Variants in SATB2 observed in about 807,000 individuals in gnomAD.
SATB2 encodes the protein SATB homeobox 2.
A neutral mutation model predicts 73.4 loss-of-function variants in SATB2; 1 was observed. That is an observed-to-expected ratio of 0.01 (90% CI 0.00 to 0.06). The LOEUF (loss-of-function observed/expected upper bound fraction) is 0.06, where lower values mean the gene tolerates loss of function less well. SATB2 is among the 10% of genes least tolerant of loss of function. The pLI is 1.00. For missense variants in SATB2, 459 were observed against 945.8 expected, an observed-to-expected ratio of 0.49 and a Z score of 6.75; for synonymous variants, 397 against 367.0, an observed-to-expected ratio of 1.08 and a Z score of -0.93.
intron 3 of SATB2, among the ~76,000 whole-genome samples, chr2:199,411,703 T>C (rs1354698273): frequency 1.3e-5 from 2 of 152,202 alleles, no homozygotes; most frequent in African/African-American, 2.4e-5. Flanking sequence ...CTGGACTGTA[T>C]GGCAAGTCAT....
rs1692555894 is a variant in SATB2 at position 199,464,616 on chromosome 2, C to G, written c.-141+220G>C. On this transcript the variant is annotated intron_variant, in intron 1 of 11. Transcript: ENST00000260926. This position sits in a 1 kb window ranked among gnomAD's most constrained non-coding sequence, Gnocchi z 6.6. Reference sequence around the variant, plus strand: ...ACGGCGCGAACACCAGCGCTCCGGCCGGGTCGCAGGGGCCGGTGCCCAGCG... The same window carrying G: ...ACGGCGCGAACACCAGCGCTCCGGCGGGGTCGCAGGGGCCGGTGCCCAGCG... 6.6e-6 allele frequency among the ~76,000 whole-genome samples: 1 copy of G among 152,152 alleles called. No individual in the cohort carries two copies. The highest frequency in any genetic ancestry group is 2.4e-5 in the African/African-American group (1 of 41,442).
intron 9 of SATB2, among the ~76,000 whole-genome samples, chr2:199,321,354 TAG>T (rs1687881438): frequency 1.3e-5 from 2 of 151,254 alleles, no homozygotes; most frequent in Non-Finnish European, 2.9e-5. Context: ...TGTCTATGTA[TAG>T]ATATATATGT....
chr2:199,410,940 C>T (rs1009492112), intron 3 of SATB2, among the ~76,000 whole-genome samples: 4 of 152,254 alleles, frequency 2.6e-5, no homozygotes, highest in Middle Eastern at 3.4e-3. Flanking sequence ...CCTTCTGCCT[C>T]TTACTTGTAA....
intron 10 of SATB2, among the ~76,000 whole-genome samples, chr2:199,280,095 C>G (rs147056937): frequency 6.6e-6 from 1 of 152,152 alleles, no homozygotes; most frequent in Admixed American, 6.5e-5. Context: ...GGCAGAAGAA[C>G]GTGGATTGTG....
intron 10 of SATB2, among the ~76,000 whole-genome samples, chr2:199,306,366 T>G (rs1399640656): frequency 1.3e-5 from 2 of 152,186 alleles, no homozygotes; most frequent in East Asian, 3.9e-4. Context: ...GTTAAAGAAA[T>G]GTGACGTGCT....
chr2:199,322,224 T>C (rs991608857), intron 9 of SATB2, among the ~76,000 whole-genome samples: 5 of 152,220 alleles, frequency 3.3e-5, no homozygotes, highest in Non-Finnish European at 5.9e-5. Context: ...ACTTTGATAT[T>C]TACATCAAGT....
At chr2:199,438,263 T>A (rs997247192) in intron 2 of SATB2, among the ~76,000 whole-genome samples, 4 of 152,206 alleles carry the variant, frequency 2.6e-5, no homozygotes, top group African/African-American at 9.6e-5. Flanking sequence ...TGTATTAGTA[T>A]CAGAGAGCAC....
At chr2:199,279,180 T>A (rs1486413794) in intron 10 of SATB2, among the ~76,000 whole-genome samples, 1 of 152,208 alleles carries the variant, frequency 6.6e-6, no homozygotes, top group East Asian at 1.9e-4. Flanking sequence ...AAAGAGACAT[T>A]AACTGCAAAT....
At chr2:199,454,161 A>G (rs113468470) in intron 2 of SATB2, among the ~76,000 whole-genome samples, 1 of 152,132 alleles carries the variant, frequency 6.6e-6, no homozygotes, top group Non-Finnish European at 1.5e-5. Flanking sequence ...TCATAGTTCA[A>G]CATGATATAG....
At chr2:199,298,368 C>T (rs1383000709) in intron 10 of SATB2, among the ~76,000 whole-genome samples, 6 of 152,156 alleles carry the variant, frequency 3.9e-5, no homozygotes, top group East Asian at 1.9e-4. Context: ...CCAAACACCT[C>T]GCCATGCTTC....
intron 9 of SATB2, among the ~76,000 whole-genome samples, chr2:199,319,939 C>T (rs1301005909): frequency 2.0e-5 from 3 of 151,896 alleles, no homozygotes; most frequent in East Asian, 1.9e-4. Flanking sequence ...AGTACACAAC[C>T]GTCCCCTGAG....
intron 3 of SATB2, among the ~76,000 whole-genome samples, chr2:199,407,504 T>C (rs1690669443): frequency 6.6e-6 from 1 of 152,052 alleles, no homozygotes; most frequent in African/African-American, 2.4e-5. Flanking sequence ...GCCCAGGAGA[T>C]CTAAGATAAG....
At chr2:199,290,103 C>T (rs1215907930) in intron 10 of SATB2, among the ~76,000 whole-genome samples, 1 of 152,212 alleles carries the variant, frequency 6.6e-6, no homozygotes, top group Non-Finnish European at 1.5e-5. Flanking sequence ...GCAGGCTGTG[C>T]TCCAACAACT....
rs1692163263 is a variant in SATB2 at position 199,271,683 on chromosome 2, T to TAAAA, written c.*527_*528insTTTT. The TAAAA allele has an allele frequency of 2.0e-5, 3 of 153,392 alleles. No homozygotes were observed. The highest frequency in any genetic ancestry group is 7.2e-5 in the African/African-American group (3 of 41,426). 9.5% of individuals were successfully genotyped at this position (153,392 alleles called of 1,614,324 possible). A position where few individuals can be genotyped will look rare whatever the true frequency, so the allele number is the denominator to read the frequency against. On this transcript the variant is annotated 3_prime_UTR_variant, in exon 11 of 11. Coordinates refer to ENST00000417098, the MANE Select transcript of SATB2 (RefSeq NM_001172509.2). The stretch of plus-strand genomic sequence containing the variant: ...GCGACTCACTGTGAAGTGGTTTTTT[T>TAAAA]AATACATAAACAAGTCTTTTCTTTA...
At chr2:199,323,355 G>A (rs1398370080) in intron 9 of SATB2, among the ~76,000 whole-genome samples, 2 of 152,016 alleles carry the variant, frequency 1.3e-5, no homozygotes, top group Non-Finnish European at 1.5e-5. Context: ...TCTGGGGCTG[G>A]GGAAAAGTGG....
Position 199,272,204 on chromosome 2 carries a change from G to A in SATB2, c.*7C>T. On this transcript the variant is annotated 3_prime_UTR_variant, in exon 11 of 11. Transcript: ENST00000417098. This position sits in a 1 kb window ranked among gnomAD's most constrained non-coding sequence, Gnocchi z 6.7. ...CGATGTATTGCTTTGCCTAGTAGAAGTTCACATTATCTCTGGTCAATTTCG... is the reference window on the plus strand; with the variant it reads ...CGATGTATTGCTTTGCCTAGTAGAAATTCACATTATCTCTGGTCAATTTCG... 2 of 1,612,852 alleles carry A rather than the reference G, an allele frequency of 1.2e-6. No homozygotes were observed. Among genetic ancestry groups the A allele is most frequent in the Non-Finnish European group, 1.7e-6 (2 of 1,179,030 alleles).
chr2:199,377,161 G>C (rs1228564800), intron 5 of SATB2, among the ~76,000 whole-genome samples: 1 of 152,146 alleles, frequency 6.6e-6, no homozygotes, highest in African/African-American at 2.4e-5. Flanking sequence ...TGGATCATGA[G>C]GTCAGAAGAT....
intron 7 of SATB2, among the ~76,000 whole-genome samples, chr2:199,344,260 A>G (rs769762727): frequency 6.6e-6 from 1 of 152,154 alleles, no homozygotes; most frequent in Non-Finnish European, 1.5e-5. Flanking sequence ...CACACAACAC[A>G]CACACACACA....
rs544807413 is a variant in SATB2, at chr2:199,292,924, C to T, written c.1740+15836G>A. 8.5e-5 allele frequency among the ~76,000 whole-genome samples: 13 copies of T among 152,178 alleles called. 1 individual carries two copies. The South Asian group carries it at 1.0e-3, about 12-fold the overall frequency. On this transcript the variant is annotated intron_variant, in intron 10 of 10. Coordinates refer to ENST00000417098, the MANE Select transcript of SATB2 (RefSeq NM_001172509.2). ...TGAAGCCTGCAAGTATTTATGTTTC[C>T]GCAGTTGCAGTACATCTAGATGATG...
Sources: gnomAD v4.1 joint callset for allele counts (sites outside exome capture counted in the v4.1 genomes callset) on GRCh38, gnomAD v4.1.1 for gene constraint, Gnocchi (gnomAD v3.1) non-coding constraint, MANE v1.5 for transcripts, NCBI Gene and HGNC (gene_info 2026-07-23, HGNC 2026-07-21) for gene names.